MYRIP: variants seen among roughly 807,000 people sequenced by gnomAD.
The protein encoded by MYRIP is myosin VIIA and Rab interacting protein.
Under a neutral mutation model 98.0 loss-of-function variants are expected in MYRIP, and 49 were observed. That is an observed-to-expected ratio of 0.50 (90% CI 0.40 to 0.63). The LOEUF is 0.63. Ranked by LOEUF, MYRIP falls within the 30% of genes least tolerant of loss-of-function variation. MYRIP has a pLI of 0.00. For missense variants in MYRIP, 1,004 were observed against 1,058.2 expected, an observed-to-expected ratio of 0.95 and a Z score of 0.71; for synonymous variants, 404 against 409.5, an observed-to-expected ratio of 0.99 and a Z score of 0.16.
At chr3:39,899,966 G>A (rs752890188) in intron 1 of MYRIP, among the ~76,000 whole-genome samples, 4 of 152,036 alleles carry the variant, frequency 2.6e-5, no homozygotes, top group Non-Finnish European at 5.9e-5. Context: ...GACTACAGGC[G>A]ACGCTCACCA....
At chr3:39,870,520 T>C (rs1333946152) in intron 1 of MYRIP, among the ~76,000 whole-genome samples, 2 of 152,046 alleles carry the variant, frequency 1.3e-5, no homozygotes, top group Non-Finnish European at 2.9e-5. Flanking sequence ...TAATAAAGTC[T>C]TTTTTCTTTT....
intron 1 of MYRIP, among the ~76,000 whole-genome samples, chr3:39,899,018 C>T (rs1943682516): frequency 6.6e-6 from 1 of 152,118 alleles, no homozygotes; most frequent in East Asian, 1.9e-4. Flanking sequence ...AGCAGCAATA[C>T]TGTGTCTCTC....
rs748990889 is a variant in MYRIP, at chr3:40,190,420, C to T, written c.1622C>T (p.Pro541Leu). 7 of 1,608,284 alleles carry T rather than the reference C, an allele frequency of 4.4e-6. No individual in the cohort carries two copies. Among genetic ancestry groups the T allele is most frequent in the South Asian group, 2.2e-5 (2 of 90,542 alleles). ...GGCTCAGAAGAGCCAAGCAAAGAACCATCTTCCCCCAGCGCCCAGCTCCGG... is the reference window on the plus strand; with the variant it reads ...GGCTCAGAAGAGCCAAGCAAAGAACTATCTTCCCCCAGCGCCCAGCTCCGG... The part of the protein sequence containing the change: ...RLGSEEPSKE[P>L]SSPSAQLRDL... Residue 541 changes from proline (P) to leucine (L), a missense_variant, in exon 10 of 17, where the codon CCA becomes CTA. By Grantham distance (98) the Pro-to-Leu change is moderately conservative (BLOSUM62 -3). Transcript: ENST00000302541.
At chr3:40,234,202 T>C in intron 12 of MYRIP, 149 bp downstream of exon 12, 1 of 831,286 alleles carries the variant, frequency 1.2e-6, no homozygotes, top group East Asian at 3.2e-5. Flanking sequence ...GGAAGGACCT[T>C]AGGTTGGATT....
intron 1 of MYRIP, among the ~76,000 whole-genome samples, chr3:39,888,832 G>C (rs1943393654): frequency 6.6e-6 from 1 of 152,094 alleles, no homozygotes; most frequent in African/African-American, 2.4e-5. Flanking sequence ...AAATTTACAA[G>C]AAACAAACAA....
At chr3:39,998,129 A>G (rs2125781525) in intron 2 of MYRIP, among the ~76,000 whole-genome samples, 1 of 152,342 alleles carries the variant, frequency 6.6e-6, no homozygotes, top group South Asian at 2.1e-4. Flanking sequence ...GGCACAAGAC[A>G]GGGATGCCCT....
intron 16 of MYRIP, among the ~76,000 whole-genome samples, chr3:40,252,995 T>C: frequency 6.6e-6 from 1 of 152,296 alleles, no homozygotes; most frequent in South Asian, 2.1e-4. Flanking sequence ...AACATCACAT[T>C]GGACTAATCT....
intron 8 of MYRIP, among the ~76,000 whole-genome samples, chr3:40,171,141 T>C (rs1385428056): frequency 6.6e-6 from 1 of 151,936 alleles, no homozygotes; most frequent in Non-Finnish European, 1.5e-5. Flanking sequence ...ATGCATATGC[T>C]CAGCACCAAG....
intron 10 of MYRIP, among the ~76,000 whole-genome samples, chr3:40,193,196 G>A (rs769840103): frequency 1.1e-4 from 16 of 152,212 alleles, no homozygotes; most frequent in Non-Finnish European, 1.6e-4. Context: ...TTGAGATGGT[G>A]TATCAAGGGG....
At chr3:40,137,459 G>A (rs1186677664) in intron 3 of MYRIP, among the ~76,000 whole-genome samples, 1 of 152,156 alleles carries the variant, frequency 6.6e-6, no homozygotes, top group African/African-American at 2.4e-5. Flanking sequence ...AGAGGTACAA[G>A]GAGGAACTGG....
intron 2 of MYRIP, among the ~76,000 whole-genome samples, chr3:39,958,576 A>G (rs62264373): frequency 1.3e-5 from 2 of 151,858 alleles, no homozygotes; most frequent in Non-Finnish European, 2.9e-5. Context: ...CATAAAAACC[A>G]TAGAAGAAAA....
intron 3 of MYRIP, among the ~76,000 whole-genome samples, chr3:40,062,733 A>G (rs1326298304): frequency 6.6e-6 from 1 of 152,222 alleles, no homozygotes; most frequent in Non-Finnish European, 1.5e-5. Context: ...AATTGTAAAT[A>G]TAATTGCCTG....
intron 3 of MYRIP, among the ~76,000 whole-genome samples, chr3:40,130,380 T>C (rs1455556876): frequency 9.5e-6 from 1 of 105,120 alleles, no homozygotes; most frequent in Non-Finnish European, 1.9e-5. Flanking sequence ...TCCAAATTTC[T>C]TTTTTTTTTT....
At chr3:39,914,802 G>A (rs1159718886) in intron 2 of MYRIP, among the ~76,000 whole-genome samples, 4 of 151,956 alleles carry the variant, frequency 2.6e-5, no homozygotes, top group African/African-American at 7.2e-5. Flanking sequence ...AAATAGTTGA[G>A]AAAAATGGTA....
intron 2 of MYRIP, among the ~76,000 whole-genome samples, chr3:40,038,732 G>A (rs1194267977): frequency 6.6e-6 from 1 of 152,068 alleles, no homozygotes; most frequent in Non-Finnish European, 1.5e-5. Flanking sequence ...GAAGGAGAGA[G>A]AGGGAACAAA....
At chr3:40,005,218 T>C (rs1028699519) in intron 2 of MYRIP, among the ~76,000 whole-genome samples, 3 of 152,366 alleles carry the variant, frequency 2.0e-5, no homozygotes, top group Non-Finnish European at 4.4e-5. Context: ...TTCTTTGCTA[T>C]TGCCTAATTT....
At chr3:40,140,333 T>C (rs1310984594) in intron 3 of MYRIP, among the ~76,000 whole-genome samples, 1 of 152,236 alleles carries the variant, frequency 6.6e-6, no homozygotes, top group African/African-American at 2.4e-5. Context: ...GCCATTCTTG[T>C]ATATACCACA....
intron 3 of MYRIP, among the ~76,000 whole-genome samples, chr3:40,068,021 T>A (rs1948157552): frequency 1.3e-5 from 2 of 152,230 alleles, no homozygotes; most frequent in African/African-American, 4.8e-5. Context: ...ATTGTATCAA[T>A]GTATTAACCC....
chr3:40,229,490 TGCTTCAGCACTGTGTCATTTGTG>T (rs11275463), intron 11 of MYRIP, among the ~76,000 whole-genome samples: 12,364 of 152,210 alleles, frequency 0.081, 758 homozygotes, highest in African/African-American at 0.18. Flanking sequence ...CGTAAAGGCC[TGCTTCAGCACTGTGTCATTTGTG>T]AGTTGGGCTG....
Sources: gnomAD v4.1 joint callset for allele counts (sites outside exome capture counted in the v4.1 genomes callset) on GRCh38, gnomAD v4.1.1 for gene constraint, MANE v1.5 for transcripts, NCBI Gene and HGNC (gene_info 2026-07-23, HGNC 2026-07-21) for gene names.